Variants in MAMLD1 observed in about 807,000 individuals in gnomAD.
MAMLD1 encodes mastermind like domain containing 1.
In MAMLD1, 14 loss-of-function variants were observed where a neutral mutation model predicts 45.0. The observed-to-expected ratio is 0.31, with a 90% CI of 0.21 to 0.49. The LOEUF (loss-of-function observed/expected upper bound fraction) is 0.49. Ranked by LOEUF, MAMLD1 falls within the 20% of genes least tolerant of loss-of-function variation. The pLI is 0.99. For missense variants in MAMLD1, 543 were observed against 603.6 expected, an observed-to-expected ratio of 0.90 and a Z score of 1.05; for synonymous variants, 254 against 247.8, an observed-to-expected ratio of 1.02 and a Z score of -0.24.
chrX:150,454,389 GT>G (rs1275411268), intron 2 of MAMLD1, among the ~76,000 whole-genome samples: 4 of 111,059 alleles, frequency 3.6e-5, no homozygotes, highest in African/African-American at 1.3e-4. Context: ...CCATCCTTTT[GT>G]TTTTTTTAGC....
intron 1 of MAMLD1, among the ~76,000 whole-genome samples, chrX:150,442,342 T>C (rs2035345669): frequency 8.9e-6 from 1 of 111,779 alleles, no homozygotes; most frequent in Non-Finnish European, 1.9e-5. Flanking sequence ...CTGTTTGTTC[T>C]CTGGTTTTTT....
In MAMLD1 at chrX:150,513,457, G is replaced by A. The variant is rs1445674823; in HGVS notation, c.*1498G>A. Reference sequence around the variant, plus strand: ...CCTTGTTAAGCTAGGTGGCTGAGTCGCTTATGGTTTTAATGCAATGAGCAA... The same window carrying A: ...CCTTGTTAAGCTAGGTGGCTGAGTCACTTATGGTTTTAATGCAATGAGCAA... On this transcript the variant is annotated 3_prime_UTR_variant, in exon 8 of 8. Coordinates refer to ENST00000370401, the MANE Select transcript of MAMLD1 (RefSeq NM_005491.5). The A allele has an allele frequency of 6.7e-6, 2 of 296,464 alleles. No homozygotes were observed. The highest frequency in any genetic ancestry group is 5.5e-5 in the African/African-American group (2 of 36,536). 24.4% of individuals were successfully genotyped at this position (296,464 alleles called of 1,213,427 possible). A position where few individuals can be genotyped will look rare whatever the true frequency, so the allele number is the denominator to read the frequency against.
At chrX:150,490,266 G>C (rs782742801) in intron 5 of MAMLD1, among the ~76,000 whole-genome samples, 1 of 112,218 alleles carries the variant, frequency 8.9e-6, no homozygotes, top group Non-Finnish European at 1.9e-5. Context: ...GGTAGAATTA[G>C]ACTGACTACT....
rs782228445 is a variant in MAMLD1 at position 150,471,255 on chromosome X, C to T, written c.1682C>T (p.Pro561Leu). 1 of 1,211,783 alleles carries T rather than the reference C, an allele frequency of 8.3e-7. No homozygotes were observed. The highest frequency in any genetic ancestry group is 1.1e-6 in the Non-Finnish European group (1 of 895,516). The change falls in exon 4 of 8, where the codon CCT becomes CTT. Residue 561 changes from proline (P) to leucine (L), a missense_variant. Physicochemically the swap from Pro to Leu is moderately conservative, Grantham distance 98 (BLOSUM62 -3). Transcript: ENST00000370401. ...GGTCCCCAGAAGATGCCCTCCATGC[C>T]TACCACCTCTAGGCAGCCTTCCCTG... ...EPGPQKMPSM[P>L]TTSRQPSLLH...
rs782121331 is a variant in MAMLD1, at chrX:150,469,687, C to G, written c.172-58C>G. The G allele has an allele frequency of 4.8e-5, 36 of 749,732 alleles. No homozygotes were observed. In the African/African-American group the frequency reaches 7.8e-4, roughly 16 times the overall value. The allele number at this position is 749,732 out of a possible 1,213,427, so 61.8% of individuals were successfully genotyped here. A position where few individuals can be genotyped will look rare whatever the true frequency, so the allele number is the denominator to read the frequency against. ...TGTGTGTGTGTGTGTGTGTGTGTGT[C>G]ACCTCTCTTCCCTTCTCCTCTCCTC... On this transcript the variant is annotated intron_variant, in intron 3 of 7. Transcript: ENST00000370401.
At chrX:150,440,142 G>A (rs781830301) in intron 1 of MAMLD1, among the ~76,000 whole-genome samples, 26 of 111,128 alleles carry the variant, frequency 2.3e-4, no homozygotes, top group African/African-American at 8.2e-4. Flanking sequence ...TGTTAACATA[G>A]CATATTATGG....
intron 5 of MAMLD1, among the ~76,000 whole-genome samples, chrX:150,499,617 A>G (rs782697408): frequency 9.0e-6 from 1 of 111,341 alleles, no homozygotes; most frequent in East Asian, 2.9e-4. Context: ...GAGCCCATGC[A>G]TTTCCAAACC....
chrX:150,375,672 G>A (rs989328832), intron 1 of MAMLD1, among the ~76,000 whole-genome samples: 1 of 112,232 alleles, frequency 8.9e-6, no homozygotes, highest in African/African-American at 3.2e-5. Flanking sequence ...AAACCAACCC[G>A]ATTTGCCACG....
intron 2 of MAMLD1, among the ~76,000 whole-genome samples, chrX:150,447,030 T>C (rs1557404823): frequency 1.8e-5 from 2 of 112,485 alleles, no homozygotes; most frequent in Non-Finnish European, 3.8e-5. Context: ...AGTAAGTAAC[T>C]GCTTTGGTTT....
intron 1 of MAMLD1, among the ~76,000 whole-genome samples, chrX:150,390,541 T>G (rs1557402145): frequency 8.9e-6 from 1 of 112,460 alleles, no homozygotes; most frequent in Non-Finnish European, 1.9e-5. Context: ...ACAGTCTACA[T>G]TTTATAAGTT....
chrX:150,480,793 A>G (rs1260795998), intron 5 of MAMLD1, among the ~76,000 whole-genome samples: 1 of 112,088 alleles, frequency 8.9e-6, no homozygotes, highest in African/African-American at 3.2e-5. Flanking sequence ...AGGACATTAT[A>G]TATATAGTCC....
At chrX:150,366,251 C>A (rs1197129560) in intron 1 of MAMLD1, among the ~76,000 whole-genome samples, 1 of 111,840 alleles carries the variant, frequency 8.9e-6, no homozygotes, top group East Asian at 2.8e-4. Context: ...ACTCCCCTCC[C>A]CTCCCATCTC....
intron 1 of MAMLD1, among the ~76,000 whole-genome samples, chrX:150,395,304 G>C (rs2033372543): frequency 1.8e-5 from 2 of 111,380 alleles, no homozygotes; most frequent in African/African-American, 3.3e-5. Context: ...GTATATAATT[G>C]TTTTTATACA....
At chrX:150,443,475 G>C (rs2035388359) in intron 1 of MAMLD1, among the ~76,000 whole-genome samples, 1 of 104,849 alleles carries the variant, frequency 9.5e-6, no homozygotes, top group African/African-American at 3.5e-5. Flanking sequence ...AGTTACATAT[G>C]TATACATGTG....
At chrX:150,382,746 G>A (rs1197252288) in intron 1 of MAMLD1, among the ~76,000 whole-genome samples, 25 of 110,313 alleles carry the variant, frequency 2.3e-4, no homozygotes, top group Non-Finnish European at 4.2e-4. Flanking sequence ...ATATTTTCAA[G>A]GGAAATACAA....
rs1557402872 is a variant in MAMLD1, at chrX:150,412,721, G to T, written c.-63-32733G>T. Reference sequence around the variant, plus strand: ...TTTTTGTTTGTTTTTTTGTTTGTTTGTTTTTTTTAATGAAACAGGGTCTCA... The same window carrying T: ...TTTTTGTTTGTTTTTTTGTTTGTTTTTTTTTTTTAATGAAACAGGGTCTCA... On this transcript the variant is annotated intron_variant, in intron 1 of 7. Coordinates refer to ENST00000370401, the MANE Select transcript of MAMLD1 (RefSeq NM_005491.5). Among the ~76,000 whole-genome samples, 7 of 108,346 alleles carry T rather than the reference G, an allele frequency of 6.5e-5. No homozygotes were observed. The East Asian group carries it at 8.7e-4, about 13-fold the overall frequency. The allele number at this position is 108,346 out of a possible 115,157, so 94.1% of individuals were successfully genotyped here.
At chrX:150,383,049 C>G (rs1457205283) in intron 1 of MAMLD1, among the ~76,000 whole-genome samples, 1 of 59,062 alleles carries the variant, frequency 1.7e-5, no homozygotes, top group African/African-American at 1.2e-4. Context: ...GGACTACAGG[C>G]GCCCGCCACC....
intron 1 of MAMLD1, among the ~76,000 whole-genome samples, chrX:150,432,283 T>C (rs960286950): frequency 1.7e-4 from 19 of 112,038 alleles, no homozygotes; most frequent in Non-Finnish European, 3.4e-4. Context: ...TTTTTGCTTG[T>C]TGATTTAAGT....
chrX:150,511,958 A>T (rs1057367795), intron 7 of MAMLD1, 46 bp from the exon 8 acceptor site: 1 of 1,023,640 alleles, frequency 9.8e-7, no homozygotes, highest in African/African-American at 1.9e-5. Flanking sequence ...GCCCAAGTCG[A>T]GGATGCCTTT....
Sources: allele counts gnomAD v4.1 joint callset (sites outside exome capture counted in the v4.1 genomes callset), GRCh38; gene constraint gnomAD v4.1.1; transcripts MANE v1.5; gene names NCBI Gene and HGNC (gene_info 2026-07-23, HGNC 2026-07-21).